BBS2: variants seen among roughly 807,000 people sequenced by gnomAD.
BBS2 encodes the protein Bardet-Biedl syndrome 2, also known as BBSome complex member BBS2.
A neutral mutation model predicts 83.0 loss-of-function variants in BBS2; 62 were observed. The ratio of observed to expected loss-of-function variants is 0.75; its 90% CI spans 0.61 to 0.92. The LOEUF (loss-of-function observed/expected upper bound fraction) is 0.92, where lower values mean the gene tolerates loss of function less well. Ranked by LOEUF, BBS2 falls within the 40% of genes least tolerant of loss-of-function variation. The pLI is 0.00. For missense variants in BBS2, 784 were observed against 901.0 expected (o/e 0.87, Z 1.66); for synonymous variants, 303 against 326.1 (o/e 0.93, Z 0.76).
At chr16:56,505,292 T>A (rs988432948) in intron 7 of BBS2, among the ~76,000 whole-genome samples, 29 of 152,172 alleles carry the variant, frequency 1.9e-4, no homozygotes, top group African/African-American at 6.5e-4. Flanking sequence ...AAGGAATGCT[T>A]ACAAGGTGCT....
chr16:56,499,302 G>A (rs1421191017), intron 12 of BBS2: 2 of 216,050 alleles, frequency 9.3e-6, no homozygotes, highest in Non-Finnish European at 1.9e-5. Flanking sequence ...TGTAATCCTC[G>A]GGCCCCCGCA....
At chr16:56,479,989 G>C (rs1229518233), downstream of BBS2, among the ~76,000 whole-genome samples, 1 of 152,208 alleles carries the variant, frequency 6.6e-6, no homozygotes, top group Non-Finnish European at 1.5e-5. Context: ...TCAAGCTCCA[G>C]CATTGGACAG....
intron 2 of BBS2, among the ~76,000 whole-genome samples, chr16:56,513,045 A>G (rs764948124): frequency 5.9e-5 from 9 of 152,154 alleles, no homozygotes; most frequent in Non-Finnish European, 1.2e-4. Flanking sequence ...CCAGCTACTC[A>G]GAAGGCTGAG....
At chr16:56,511,509 T>C (rs1964576050) in intron 2 of BBS2, among the ~76,000 whole-genome samples, 1 of 152,110 alleles carries the variant, frequency 6.6e-6, no homozygotes, top group South Asian at 2.1e-4. Flanking sequence ...TATCAAGTAT[T>C]GAAGGACTTA....
chr16:56,498,115 T>C (rs748629837), intron 13 of BBS2, among the ~76,000 whole-genome samples: 2 of 152,134 alleles, frequency 1.3e-5, no homozygotes, highest in Non-Finnish European at 2.9e-5. Flanking sequence ...CATCCAAACA[T>C]TGAAAATGTT....
Position 56,485,551 on chromosome 16 carries a change from A to G in BBS2, c.2059+39T>C, listed in dbSNP as rs773709124. ...ATCTTCAATGAGTTCCACCAAAAAC[A>G]TTACAGATCAAAGTGCAGTGTTATG... On this transcript the variant is annotated intron_variant, in intron 16 of 16. Coordinates refer to ENST00000245157, the MANE Select transcript of BBS2 (RefSeq NM_031885.5). 3 of 1,612,276 alleles carry G rather than the reference A, an allele frequency of 1.9e-6. No individual in the cohort carries two copies. In the African/African-American group the frequency reaches 4.0e-5, roughly 22 times the overall value.
intron 15 of BBS2, among the ~76,000 whole-genome samples, chr16:56,491,325 G>C (rs1963945477): frequency 6.6e-6 from 1 of 152,148 alleles, no homozygotes; most frequent in South Asian, 2.1e-4. Context: ...TCTCAGGAGT[G>C]AGTTCTCGCT....
intron 4 of BBS2, 125 bp from the exon 5 acceptor site, chr16:56,510,159 A>C: frequency 1.3e-6 from 1 of 789,460 alleles, no homozygotes; most frequent in Non-Finnish European, 2.2e-6. Context: ...ACAACCTCAT[A>C]ATCGTTTGAT....
rs1245078045 is a variant in BBS2 at position 56,501,513 on chromosome 16, C to A, written c.1081-16G>T. The A allele has an allele frequency of 6.2e-7, 1 of 1,614,090 alleles. No homozygotes were observed. The highest frequency in any genetic ancestry group is 1.1e-5 in the South Asian group (1 of 91,084). On this transcript the variant is annotated splice_polypyrimidine_tract_variant and intron_variant, in intron 9 of 16. Coordinates refer to ENST00000245157, the MANE Select transcript of BBS2 (RefSeq NM_031885.5). The stretch of plus-strand genomic sequence containing the variant: ...CCAATTCAGCCTGCAAAACACCCCA[C>A]CCATTTCCTACTCAGTCACCAAAAC...
intron 15 of BBS2, among the ~76,000 whole-genome samples, chr16:56,489,403 A>C (rs1239277298): frequency 1.3e-5 from 2 of 152,154 alleles, no homozygotes; most frequent in Non-Finnish European, 2.9e-5. Context: ...GACCAATGGA[A>C]TAGTACAGAA....
chr16:56,474,814 T>C, intron 17 of BBS2: 2 of 1,587,788 alleles, frequency 1.3e-6, no homozygotes, highest in Non-Finnish European at 1.7e-6. Flanking sequence ...TCTCATCTTT[T>C]TTTTTTTCCT....
rs774708101 is a variant in BBS2, at chr16:56,494,125, AT to A, written c.1910+2841del. 1.9e-3 allele frequency among the ~76,000 whole-genome samples: 231 copies of A among 120,156 alleles called. No individual in the cohort carries two copies. The Middle Eastern group carries it at 0.023, about 12-fold the overall frequency. 78.8% of individuals were successfully genotyped at this position (120,156 alleles called of 152,430 possible). ...AGGCATGCACCACTATGCCCAGCTAATTTTTTTTTTTTTTTTTTTTTTTGCA... is the reference window on the plus strand; with the variant it reads ...AGGCATGCACCACTATGCCCAGCTAATTTTTTTTTTTTTTTTTTTTTTGCA... On this transcript the variant is annotated intron_variant, in intron 15 of 16. Coordinates refer to ENST00000245157, the MANE Select transcript of BBS2 (RefSeq NM_031885.5).
chr16:56,478,504 C>G (rs1963575491), intron 17 of BBS2: 1 of 152,144 alleles, frequency 6.6e-6, no homozygotes, highest in African/African-American at 2.4e-5. Flanking sequence ...ACTCACTTGC[C>G]TTCTGATGTG....
chr16:56,496,006 T>C (rs74416202), intron 15 of BBS2, among the ~76,000 whole-genome samples: 60 of 152,254 alleles, frequency 3.9e-4, no homozygotes, highest in African/African-American at 1.4e-3. Flanking sequence ...TAAGTACTTC[T>C]GTATGTGTTT....
At chr16:56,490,008 T>C (rs1243796592) in intron 15 of BBS2, among the ~76,000 whole-genome samples, 1 of 151,762 alleles carries the variant, frequency 6.6e-6, no homozygotes, top group Non-Finnish European at 1.5e-5. Context: ...TCCCAGCTAC[T>C]CCAGCAGCTG....
In BBS2 at chr16:56,511,384, A is replaced by C. The variant is rs1181139704; in HGVS notation, c.346-100T>G. 1.1e-5 allele frequency: 17 copies of C among 1,511,750 alleles called. No individual in the cohort carries two copies. The Admixed American group carries it at 2.9e-4, about 25-fold the overall frequency. The allele number at this position is 1,511,750 out of a possible 1,614,324, so 93.6% of individuals were successfully genotyped here. A position where few individuals can be genotyped will look rare whatever the true frequency, so the allele number is the denominator to read the frequency against. Reference sequence around the variant, plus strand: ...GAGTAAACTGAGCAGATTTTGAGTAAAACAGATTATTATCCATAATGTGGG... The same window carrying C: ...GAGTAAACTGAGCAGATTTTGAGTACAACAGATTATTATCCATAATGTGGG... On this transcript the variant is annotated intron_variant, in intron 2 of 16. Transcript: ENST00000245157.
chr16:56,480,350 C>CAAAAAA (rs1356996256), downstream of BBS2, among the ~76,000 whole-genome samples: 3 of 27,338 alleles, frequency 1.1e-4, no homozygotes, highest in Admixed American at 2.9e-4. Context: ...CACACACACA[C>CAAAAAA]ACAAAAAAAA....
At position 56,515,604 on chromosome 16, in the gene BBS2, A is replaced by C. The variant is rs562626406; in HGVS notation, c.118-924T>G. On this transcript the variant is annotated intron_variant, in intron 1 of 16. Transcript: ENST00000245157. The stretch of plus-strand genomic sequence containing the variant: ...CCCTTCTAGTTCTAAAATTTTTAAA[A>C]TTTACATGAGTATTTCATCTCTTTC... 1.2e-4 allele frequency among the ~76,000 whole-genome samples: 18 copies of C among 152,332 alleles called. No individual in the cohort carries two copies. The East Asian group carries it at 3.5e-3, about 29-fold the overall frequency.
At chr16:56,478,966 G>A (rs1171348695) in intron 17 of BBS2, 2 of 152,158 alleles carry the variant, frequency 1.3e-5, no homozygotes, top group African/African-American at 4.8e-5. Context: ...TTTCCTTATA[G>A]TACTTCATTT....
Sources: gnomAD v4.1 joint callset for allele counts (sites outside exome capture counted in the v4.1 genomes callset) on GRCh38, gnomAD v4.1.1 for gene constraint, MANE v1.5 for transcripts, NCBI Gene and HGNC (gene_info 2026-07-23, HGNC 2026-07-21) for gene names.